Variants in LPP observed in about 807,000 individuals in gnomAD.
LPP encodes the protein LIM domain containing preferred translocation partner in lipoma.
In LPP, 38 loss-of-function variants were observed where a neutral mutation model predicts 60.4. That is an observed-to-expected ratio of 0.63 (90% CI 0.49 to 0.83). LPP has a LOEUF of 0.83. LPP is among the 40% of genes least tolerant of loss of function. The pLI is 0.00. For missense variants in LPP, 902 were observed against 783.6 expected (o/e 1.15, Z -1.80); for synonymous variants, 328 against 290.8 (o/e 1.13, Z -1.30).
chr3:188,639,260 TG>T (rs1178377827), intron 7 of LPP, among the ~76,000 whole-genome samples: 1 of 151,458 alleles, frequency 6.6e-6, no homozygotes, highest in Non-Finnish European at 1.5e-5. Context: ...AAACAAGCAA[TG>T]GGGAAAGGAT....
At chr3:188,298,724 G>A (rs1164592532) in intron 2 of LPP, among the ~76,000 whole-genome samples, 2 of 152,186 alleles carry the variant, frequency 1.3e-5, no homozygotes, top group African/African-American at 2.4e-5. Flanking sequence ...TCACAAAAAG[G>A]GTGTGGTCTC....
intron 4 of LPP, among the ~76,000 whole-genome samples, chr3:188,418,981 T>A (rs1787072356): frequency 6.6e-6 from 1 of 152,176 alleles, no homozygotes; most frequent in Non-Finnish European, 1.5e-5. Flanking sequence ...ATTTTTATTA[T>A]TGATCTGTTA....
intron 2 of LPP, among the ~76,000 whole-genome samples, chr3:188,248,382 A>G (rs1471072100): frequency 6.7e-6 from 1 of 150,364 alleles, no homozygotes; most frequent in East Asian, 1.9e-4. Flanking sequence ...AGCGTGTGCA[A>G]TAAAATGCCT....
At chr3:188,734,097 G>A (rs868592500) in intron 8 of LPP, among the ~76,000 whole-genome samples, 3 of 151,798 alleles carry the variant, frequency 2.0e-5, no homozygotes, top group Non-Finnish European at 4.4e-5. Context: ...ATTCATTGTT[G>A]TAGTATCTTA....
chr3:188,368,688 A>T (rs946812815), intron 3 of LPP, among the ~76,000 whole-genome samples: 21 of 97,796 alleles, frequency 2.1e-4, no homozygotes, highest in African/African-American at 1.1e-3. Context: ...ACTCTCACAC[A>T]CACACACACA....
At chr3:188,616,715 T>C (rs1429722842) in intron 7 of LPP, among the ~76,000 whole-genome samples, 1 of 152,226 alleles carries the variant, frequency 6.6e-6, no homozygotes, top group East Asian at 1.9e-4. Context: ...TTAACAATAC[T>C]GGGTTTTTCA....
chr3:188,203,446 TA>T lies in LPP; in HGVS notation c.-189-21956del, dbSNP rs1197163675. On this transcript the variant is annotated intron_variant, in intron 1 of 11. Transcript: ENST00000617246. ...ATATAAATATAAATATATATTTATATAAATATATATAAATATATATATTTTT... is the reference window on the plus strand; with the variant it reads ...ATATAAATATAAATATATATTTATATAATATATATAAATATATATATTTTT... Among the ~76,000 whole-genome samples the T allele has an allele frequency of 9.0e-3, 831 of 92,794 alleles. 27 individuals are homozygous for T. Among genetic ancestry groups the T allele is most frequent in the African/African-American group, 0.033 (726 of 21,990 alleles). The allele number at this position is 92,794 out of a possible 152,430, so 60.9% of individuals were successfully genotyped here. A position where few individuals can be genotyped will look rare whatever the true frequency, so the allele number is the denominator to read the frequency against.
chr3:188,361,951 A>G (rs117678663), intron 3 of LPP, among the ~76,000 whole-genome samples: 3,712 of 152,274 alleles, frequency 0.024, 51 homozygotes, highest in South Asian at 0.044. Flanking sequence ...GAATAAAAAT[A>G]TGGCTAAATG....
chr3:188,155,219 G>C (rs1172036465), intron 1 of LPP, among the ~76,000 whole-genome samples: 1 of 152,026 alleles, frequency 6.6e-6, no homozygotes, highest in East Asian at 1.9e-4. Flanking sequence ...AATCTCTCTG[G>C]CTTCCCTTCC....
At chr3:188,522,782 G>C (rs1560514752) in intron 5 of LPP, among the ~76,000 whole-genome samples, 1 of 34,580 alleles carries the variant, frequency 2.9e-5, no homozygotes, top group Non-Finnish European at 5.9e-5. Flanking sequence ...GTGATAATAT[G>C]AAATATATAT....
At chr3:188,710,787 A>G (rs1439524537) in intron 8 of LPP, 1 of 152,218 alleles carries the variant, frequency 6.6e-6, no homozygotes, top group African/African-American at 2.4e-5. Flanking sequence ...CATAGATGCT[A>G]ATTGCATGAA....
rs900390320 is a variant in LPP, at chr3:188,162,800, C to G, written c.-190+8548C>G. Among the ~76,000 whole-genome samples the G allele has an allele frequency of 3.3e-5, 5 of 152,206 alleles. No homozygotes were observed. The South Asian group carries it at 1.0e-3, about 32-fold the overall frequency. ...CGATTCTGGGTGCCCAGCGGGGCAT[C>G]TGGCACACAGTGATGACACCTTACT... is the stretch of plus-strand genomic sequence containing the variant. On this transcript the variant is annotated intron_variant, in intron 1 of 11. Coordinates refer to ENST00000617246, the MANE Select transcript of LPP (RefSeq NM_001375462.1).
chr3:188,307,044 G>A (rs1204322207), intron 2 of LPP, among the ~76,000 whole-genome samples: 1 of 152,198 alleles, frequency 6.6e-6, no homozygotes, highest in Non-Finnish European at 1.5e-5. Context: ...AGAGATAACA[G>A]TAAATGATGG....
intron 8 of LPP, among the ~76,000 whole-genome samples, chr3:188,738,045 C>T (rs1272981953): frequency 1.3e-5 from 2 of 152,060 alleles, no homozygotes; most frequent in Non-Finnish European, 2.9e-5. Flanking sequence ...TTCTCTCTTC[C>T]CCTCTACATT....
At chr3:188,283,472 C>T (rs1302222700) in intron 2 of LPP, among the ~76,000 whole-genome samples, 1 of 152,124 alleles carries the variant, frequency 6.6e-6, no homozygotes, top group Non-Finnish European at 1.5e-5. Context: ...TTGATAAATC[C>T]GCCTCCCAAC....
chr3:188,258,503 T>C (rs1317526586), intron 2 of LPP, among the ~76,000 whole-genome samples: 1 of 152,176 alleles, frequency 6.6e-6, no homozygotes, highest in East Asian at 1.9e-4. Context: ...GTATATTTTG[T>C]AGAGACAGGG....
At chr3:188,810,644 G>A (rs970403603) in intron 9 of LPP, among the ~76,000 whole-genome samples, 1 of 152,130 alleles carries the variant, frequency 6.6e-6, no homozygotes, top group Non-Finnish European at 1.5e-5. Flanking sequence ...ATAGGGGTTA[G>A]GTTGTATCCA....
intron 9 of LPP, among the ~76,000 whole-genome samples, chr3:188,855,349 G>A (rs1763577324): frequency 6.6e-6 from 1 of 152,204 alleles, no homozygotes; most frequent in African/African-American, 2.4e-5. Context: ...ATGCAGTAGT[G>A]TCTTGAACAA....
At position 188,788,801 on chromosome 3, in the gene LPP, A is replaced by C. The variant is rs1276811151; in HGVS notation, c.1410+28519A>C. 3.9e-5 allele frequency among the ~76,000 whole-genome samples: 6 copies of C among 152,168 alleles called. No homozygotes were observed. In the East Asian group the frequency reaches 1.2e-3, roughly 29 times the overall value. ...CCCTGCAGCACGCCCCCCCGGCTCT[A>C]AACCTTTTAGTCATTTCCTGTGAAT... On this transcript the variant is annotated intron_variant, in intron 9 of 11. Coordinates refer to ENST00000617246, the MANE Select transcript of LPP (RefSeq NM_001375462.1).
Sources: allele counts gnomAD v4.1 joint callset (sites outside exome capture counted in the v4.1 genomes callset), GRCh38; gene constraint gnomAD v4.1.1; transcripts MANE v1.5; gene names NCBI Gene and HGNC (gene_info 2026-07-23, HGNC 2026-07-21).